KIF4A: variants seen among roughly 807,000 people sequenced by gnomAD.
KIF4A encodes the protein chromosome-associated kinesin KIF4A.
A neutral mutation model predicts 105.9 loss-of-function variants in KIF4A; 7 were observed. The ratio of observed to expected loss-of-function variants is 0.07; its 90% CI spans 0.04 to 0.12. KIF4A has a LOEUF of 0.12. Ranked by LOEUF, KIF4A falls within the 10% of genes least tolerant of loss-of-function variation. The pLI is 1.00. For synonymous variants in KIF4A, 281 were observed against 331.3 expected, an observed-to-expected ratio of 0.85 and a Z score of 1.65; for missense variants, 558 against 929.2, an observed-to-expected ratio of 0.60 and a Z score of 5.19.
intron 18 of KIF4A, among the ~76,000 whole-genome samples, chrX:70,382,857 T>C (rs983084070): frequency 9.1e-5 from 10 of 109,392 alleles, no homozygotes; most frequent in Non-Finnish European, 1.7e-4. Flanking sequence ...GCAAATCATA[T>C]AGCTGATAAG....
intron 22 of KIF4A, chrX:70,396,345 C>T: frequency 6.0e-6 from 1 of 167,424 alleles, no homozygotes; most frequent in East Asian, 1.3e-4. Context: ...TGGTATACAA[C>T]CCCCTCGCTG....
chrX:70,343,489 G>A (rs914194864), intron 11 of KIF4A, among the ~76,000 whole-genome samples: 1 of 111,469 alleles, frequency 9.0e-6, no homozygotes, highest in African/African-American at 3.3e-5. Context: ...CTGCTCGGAT[G>A]CTATTTTTAG....
intron 15 of KIF4A, among the ~76,000 whole-genome samples, chrX:70,357,376 AT>A (rs1318154845): frequency 1.8e-5 from 2 of 112,277 alleles, no homozygotes; most frequent in African/African-American, 6.5e-5. Flanking sequence ...ATACCAGATA[AT>A]TTATCAATCC....
intron 13 of KIF4A, among the ~76,000 whole-genome samples, chrX:70,345,067 A>T (rs941242264): frequency 8.0e-5 from 9 of 112,034 alleles, no homozygotes; most frequent in Admixed American, 3.8e-4. Flanking sequence ...AGCCACACAG[A>T]CCCTGGTTTG....
chrX:70,397,072 C>CA (rs1433859098), intron 22 of KIF4A, among the ~76,000 whole-genome samples: 1 of 104,546 alleles, frequency 9.6e-6, no homozygotes, highest in Non-Finnish European at 2.0e-5. Context: ...GACTCCATCT[C>CA]AAAAAAGTAA....
At chrX:70,290,604 G>A (rs1436688033) in intron 2 of KIF4A, 26 bp downstream of exon 2, 19 of 1,207,929 alleles carry the variant, frequency 1.6e-5, no homozygotes, top group Non-Finnish European at 2.1e-5. Context: ...CAGAGCCTGT[G>A]TCTGAACAGC....
chrX:70,295,714 A>T (rs1343229685), intron 3 of KIF4A, among the ~76,000 whole-genome samples: 2 of 109,048 alleles, frequency 1.8e-5, no homozygotes, highest in Non-Finnish European at 3.8e-5. Flanking sequence ...TCAGGAGATC[A>T]AGACCATCCT....
intron 29 of KIF4A, 74 bp from the exon 30 acceptor site, chrX:70,419,587 G>T: frequency 8.7e-7 from 1 of 1,153,249 alleles, no homozygotes. Context: ...TTACCTCTTT[G>T]GTTGAATGGG....
At chrX:70,394,884 T>C (rs1445890321) in intron 20 of KIF4A, among the ~76,000 whole-genome samples, 1 of 112,266 alleles carries the variant, frequency 8.9e-6, no homozygotes, top group Non-Finnish European at 1.9e-5. Context: ...GGCTTTCTTT[T>C]GATTACTATT....
intron 20 of KIF4A, among the ~76,000 whole-genome samples, chrX:70,394,687 T>A (rs771240768): frequency 8.9e-6 from 1 of 112,365 alleles, no homozygotes; most frequent in African/African-American, 3.2e-5. Flanking sequence ...ATTTTTATGA[T>A]TTATATTATC....
At position 70,376,116 on chromosome X, in the gene KIF4A, G is replaced by A. The variant is rs966046535; in HGVS notation, c.1940G>A (p.Arg647Gln). 50 of 1,200,896 alleles carry A rather than the reference G, an allele frequency of 4.2e-5. No homozygotes were observed. The highest frequency in any genetic ancestry group is 5.3e-5 in the Non-Finnish European group (47 of 888,985). The part of the protein sequence containing the change: ...NQEIRMMKNQ[R>Q]VQLMRQMKED... Reference sequence around the variant, plus strand: ...TTTTTATAGATGATGAAAAACCAGCGGGTACAGTTAATGCGTCAAATGAAA... The same window carrying A: ...TTTTTATAGATGATGAAAAACCAGCAGGTACAGTTAATGCGTCAAATGAAA... The change falls in exon 18 of 31, where the codon CGG becomes CAG. Residue 647 changes from arginine (R) to glutamine (Q), a missense_variant. This residue lies in a region of KIF4A where 469 missense variants were observed against 680.4 expected (regional missense o/e 0.69). Coordinates refer to ENST00000374403, the MANE Select transcript of KIF4A (RefSeq NM_012310.5).
intron 13 of KIF4A, among the ~76,000 whole-genome samples, chrX:70,350,227 G>A (rs1025580540): frequency 6.3e-5 from 7 of 111,369 alleles, no homozygotes; most frequent in African/African-American, 2.3e-4. Flanking sequence ...GACTCCGTCT[G>A]CAATCCCAGC....
rs764329336 is a variant in KIF4A, at chrX:70,405,902, G to A, written c.2973G>A (p.Lys991=). 11 of 1,201,075 alleles carry A rather than the reference G, an allele frequency of 9.2e-6. No homozygotes were observed. The East Asian group carries it at 2.1e-4, about 23-fold the overall frequency. ...TTCTCCGAGAGAATGAAATCATCAA[G>A]CAGGTAATACAGTTTCCCACCCACT... is the stretch of plus-strand genomic sequence containing the variant. ...QQLLRENEII[K]QKLTLLQVAS... Residue 991 remains lysine (K), a synonymous_variant, in exon 26 of 31, where the codon AAG becomes AAA. Transcript: ENST00000374403.
intron 7 of KIF4A, among the ~76,000 whole-genome samples, chrX:70,305,348 C>T (rs1416738324): frequency 9.0e-6 from 1 of 111,454 alleles, no homozygotes; most frequent in Non-Finnish European, 1.9e-5. Flanking sequence ...CCTTATTTCC[C>T]CTCAATATAT....
intron 22 of KIF4A, among the ~76,000 whole-genome samples, chrX:70,402,086 A>G (rs1602807907): frequency 9.0e-6 from 1 of 111,675 alleles, no homozygotes; most frequent in African/African-American, 3.3e-5. Context: ...GCACATCAAG[A>G]TAACCTCTCA....
At chrX:70,371,114 A>G (rs1449307060) in intron 15 of KIF4A, among the ~76,000 whole-genome samples, 12 of 110,485 alleles carry the variant, frequency 1.1e-4, no homozygotes, top group Non-Finnish European at 2.1e-4. Flanking sequence ...TAGGGCGTGC[A>G]TATAATCTTC....
intron 29 of KIF4A, among the ~76,000 whole-genome samples, chrX:70,418,804 G>A (rs753470601): frequency 8.9e-6 from 1 of 111,896 alleles, no homozygotes; most frequent in African/African-American, 3.2e-5. Context: ...AAGACCTCTG[G>A]CCGGGCACGG....
In KIF4A at chrX:70,339,361, C is replaced by A. The variant is rs75401738; in HGVS notation, c.1134-2438C>A. Among the ~76,000 whole-genome samples, 799 of 111,452 alleles carry A rather than the reference C, an allele frequency of 7.2e-3. 8 individuals carry two copies. The highest frequency in any genetic ancestry group is 0.011 in the Non-Finnish European group (563 of 53,014). On this transcript the variant is annotated intron_variant, in intron 10 of 30. Transcript: ENST00000374403. ...TGACTACCTCTTTCTTCCTAATTTT[C>A]CCCCTTTAGATAATTTAGTCTGGGT...
chrX:70,397,152 C>T (rs748811212), intron 22 of KIF4A, among the ~76,000 whole-genome samples: 2 of 111,227 alleles, frequency 1.8e-5, no homozygotes, highest in East Asian at 2.8e-4. Context: ...AGGCAGATCA[C>T]GAGGTCAGGA....
Sources: gnomAD v4.1 joint callset for allele counts (sites outside exome capture counted in the v4.1 genomes callset) on GRCh38, gnomAD v4.1.1 for gene constraint, gnomAD v4.1.1 regional missense constraint, MANE v1.5 for transcripts, NCBI Gene and HGNC (gene_info 2026-07-23, HGNC 2026-07-21) for gene names.